BEND6: variants seen among roughly 807,000 people sequenced by gnomAD.
BEND6 encodes the protein BEN domain-containing protein 6.
Under a neutral mutation model 31.8 loss-of-function variants are expected in BEND6, and 24 were observed. The ratio of observed to expected loss-of-function variants is 0.75; its 90% CI spans 0.55 to 1.06. BEND6 has a LOEUF of 1.06. Ranked by LOEUF, BEND6 falls within the 50% of genes least tolerant of loss-of-function variation. The pLI is 0.00. For missense variants in BEND6, 294 were observed against 327.4 expected (o/e 0.90, Z 0.79); for synonymous variants, 109 against 114.6 (o/e 0.95, Z 0.31).
chr6:57,020,050 G>A (rs1313946002), intron 6 of BEND6, among the ~76,000 whole-genome samples: 1 of 152,184 alleles, frequency 6.6e-6, no homozygotes, highest in Non-Finnish European at 1.5e-5. Flanking sequence ...GATGTTGCCA[G>A]TGCACTCCAG....
rs1827912788 is a variant in BEND6 at position 57,026,669 on chromosome 6, G to T, written c.*597G>T. 1.3e-5 allele frequency: 2 copies of T among 152,178 alleles called. No homozygotes were observed. The highest frequency in any genetic ancestry group is 2.9e-5 in the Non-Finnish European group (2 of 68,024). 9.4% of individuals were successfully genotyped at this position (152,178 alleles called of 1,614,324 possible). ...CAGGATTATTCTGTTATCTAAAAAT[G>T]TATAAAATGGGAATATGAAAAAAAT... On this transcript the variant is annotated 3_prime_UTR_variant, in exon 7 of 7. Transcript: ENST00000370746.
At chr6:57,018,299 G>C (rs1192651456) in intron 5 of BEND6, 122 bp from the exon 6 acceptor site, 12 of 1,068,470 alleles carry the variant, frequency 1.1e-5, no homozygotes, top group Non-Finnish European at 1.5e-5. Context: ...GGGTGTTTGG[G>C]CTACTTTTGT....
At chr6:57,018,879 G>C (rs1173490712) in intron 6 of BEND6, among the ~76,000 whole-genome samples, 1 of 152,164 alleles carries the variant, frequency 6.6e-6, no homozygotes, top group Non-Finnish European at 1.5e-5. Context: ...TTTTTTCACA[G>C]AATCCTGTTA....
chr6:57,014,385 C>T, intron 3 of BEND6: 2 of 877,952 alleles, frequency 2.3e-6, no homozygotes, highest in Non-Finnish European at 3.3e-6. Context: ...GCTGTGCCCT[C>T]AACCATATAG....
At chr6:57,023,835 C>CT (rs1466187574) in intron 6 of BEND6, among the ~76,000 whole-genome samples, 3 of 152,152 alleles carry the variant, frequency 2.0e-5, no homozygotes, top group African/African-American at 7.2e-5. Flanking sequence ...CTTACTACTG[C>CT]TATTTTGTAG....
At chr6:56,989,070 T>G (rs1826394600) in intron 2 of BEND6, among the ~76,000 whole-genome samples, 1 of 151,102 alleles carries the variant, frequency 6.6e-6, no homozygotes. Context: ...AATAATAGTT[T>G]TATAAAAATA....
intron 1 of BEND6, among the ~76,000 whole-genome samples, chr6:56,962,376 C>T (rs1281488270): frequency 6.6e-6 from 1 of 152,200 alleles, no homozygotes; most frequent in East Asian, 1.9e-4. Flanking sequence ...ATCATGATCA[C>T]ATATTGTTAC....
chr6:56,989,129 TTATA>T (rs1008349276), intron 2 of BEND6, among the ~76,000 whole-genome samples: 3 of 147,442 alleles, frequency 2.0e-5, no homozygotes, highest in Non-Finnish European at 4.4e-5. Context: ...TATAAATATA[TTATA>T]TATTATGGAT....
chr6:56,992,428 GGATGAA>G lies in BEND6; in HGVS notation c.174_179del (p.Asp58_Glu59del). 1 of 1,614,028 alleles carries G rather than the reference GGATGAA, an allele frequency of 6.2e-7. No individual in the cohort carries two copies. On this transcript the variant is annotated inframe_deletion, in exon 3 of 7. Coordinates refer to ENST00000370746, the MANE Select transcript of BEND6 (RefSeq NM_152731.3). Reference sequence around the variant, plus strand: ...TTCTGCCTGGTGAAAGCTCCAGTGAGGATGAAGAGCCTTTAGCAGAATTGTCAAAGG... The same window carrying G: ...TTCTGCCTGGTGAAAGCTCCAGTGAGGAGCCTTTAGCAGAATTGTCAAAGG...
At chr6:56,961,026 T>C (rs552261799) in intron 1 of BEND6, among the ~76,000 whole-genome samples, 8 of 152,308 alleles carry the variant, frequency 5.3e-5, no homozygotes, top group African/African-American at 1.7e-4. Flanking sequence ...TGAGTAGGTT[T>C]CTAGAGACCT....
rs577008890 is a variant in BEND6, at chr6:56,958,847, A to G, written c.-101+3387A>G. Among the ~76,000 whole-genome samples the G allele has an allele frequency of 1.2e-4, 18 of 152,306 alleles. No homozygotes were observed. In the South Asian group the frequency reaches 1.4e-3, roughly 12 times the overall value. ...ACTGGTGACTAGGAGACCTCCGGAA[A>G]CCTTTCAGAGAACTGATTCATCATG... On this transcript the variant is annotated intron_variant, in intron 1 of 6. Coordinates refer to ENST00000370746, the MANE Select transcript of BEND6 (RefSeq NM_152731.3).
intron 1 of BEND6, among the ~76,000 whole-genome samples, chr6:56,978,496 C>T (rs11751461): frequency 0.042 from 6,377 of 152,236 alleles, 172 homozygotes; most frequent in Admixed American, 0.065. Context: ...TACCCTTCTT[C>T]TTCAAGATTG....
In BEND6 at chr6:56,955,279, C is replaced by T. The variant is rs1022471083; in HGVS notation, c.-282C>T. 2 of 152,200 alleles carry T rather than the reference C, an allele frequency of 1.3e-5. No homozygotes were observed. Among genetic ancestry groups the T allele is most frequent in the African/African-American group, 2.4e-5 (1 of 41,460 alleles). 9.4% of individuals were successfully genotyped at this position (152,200 alleles called of 1,614,324 possible). A position where few individuals can be genotyped will look rare whatever the true frequency, so the allele number is the denominator to read the frequency against. On this transcript the variant is annotated 5_prime_UTR_variant, in exon 1 of 7. Coordinates refer to ENST00000370746, the MANE Select transcript of BEND6 (RefSeq NM_152731.3). ...CGGGTGCCTCTAGCTTCCCGGACAC[C>T]CGGAGCTTCCGCCTATCCAGCCTCC... is the stretch of plus-strand genomic sequence containing the variant.
intron 1 of BEND6, among the ~76,000 whole-genome samples, chr6:56,966,222 C>T (rs538151179): frequency 6.4e-4 from 97 of 152,300 alleles, no homozygotes; most frequent in Non-Finnish European, 7.9e-4. Context: ...CTGCCTCAGC[C>T]TCCAGAGTAG....
intron 1 of BEND6, among the ~76,000 whole-genome samples, chr6:56,979,135 A>G (rs1400774383): frequency 6.6e-6 from 1 of 152,176 alleles, no homozygotes; most frequent in Non-Finnish European, 1.5e-5. Flanking sequence ...ACAAATTTCC[A>G]TATTTCAAAA....
intron 1 of BEND6, among the ~76,000 whole-genome samples, chr6:56,979,342 T>A (rs1022462659): frequency 3.9e-5 from 6 of 152,174 alleles, no homozygotes; most frequent in African/African-American, 1.4e-4. Context: ...TTGGTGATGG[T>A]TATGCAATAA....
rs190224726 is a variant in BEND6, at chr6:57,011,824, A to G, written c.299-3309A>G. ...AACCTAATTTCCAAGTGAGAAAAGGAGCATTTAAAGAAGTTACAGGACCGG... is the reference window on the plus strand; with the variant it reads ...AACCTAATTTCCAAGTGAGAAAAGGGGCATTTAAAGAAGTTACAGGACCGG... On this transcript the variant is annotated intron_variant, in intron 3 of 6. Coordinates refer to ENST00000370746, the MANE Select transcript of BEND6 (RefSeq NM_152731.3). Among the ~76,000 whole-genome samples the G allele has an allele frequency of 2.6e-5, 4 of 152,040 alleles. No homozygotes were observed. The East Asian group carries it at 7.8e-4, about 30-fold the overall frequency.
chr6:56,997,081 C>A (rs181747646), intron 3 of BEND6, among the ~76,000 whole-genome samples: 105 of 152,298 alleles, frequency 6.9e-4, no homozygotes, highest in African/African-American at 2.3e-3. Flanking sequence ...ACTTCTCTTG[C>A]CTTCTTTTCT....
intron 2 of BEND6, among the ~76,000 whole-genome samples, chr6:56,986,097 C>T (rs943857397): frequency 9.2e-5 from 14 of 152,076 alleles, no homozygotes; most frequent in Non-Finnish European, 2.9e-5. Context: ...TTTCTTATTT[C>T]TATTTAATCA....
Sources: gnomAD v4.1 joint callset for allele counts (sites outside exome capture counted in the v4.1 genomes callset) on GRCh38, gnomAD v4.1.1 for gene constraint, MANE v1.5 for transcripts, NCBI Gene and HGNC (gene_info 2026-07-23, HGNC 2026-07-21) for gene names.